MAF: variants seen among roughly 807,000 people sequenced by gnomAD.
MAF encodes the protein MAF bZIP transcription factor.
In MAF, 10 loss-of-function variants were observed where a neutral mutation model predicts 22.0. That is an observed-to-expected ratio of 0.45 (90% CI 0.28 to 0.77). The LOEUF is 0.77. MAF is among the 30% of genes least tolerant of loss of function. MAF has a pLI of 0.12. For synonymous variants in MAF, 337 were observed against 255.8 expected, an observed-to-expected ratio of 1.32 and a Z score of -3.03; for missense variants, 544 against 548.4, an observed-to-expected ratio of 0.99 and a Z score of 0.08.
chr16:79,534,633 T>C, the MAF span, among the ~76,000 whole-genome samples: 91 of 152,204 alleles, frequency 6.0e-4, 1 homozygote, highest in Non-Finnish European at 1.1e-3. Flanking sequence ...AAATACCTAA[T>C]GTAAATAACG....
the MAF span, among the ~76,000 whole-genome samples, chr16:79,397,240 T>A: frequency 1.9e-4 from 29 of 152,336 alleles, 1 homozygote; most frequent in African/African-American, 6.7e-4. Context: ...CCACATGCAC[T>A]GAGTCTTTAC....
the MAF span, among the ~76,000 whole-genome samples, chr16:79,468,047 G>A: frequency 1.3e-5 from 2 of 152,164 alleles, no homozygotes; most frequent in Non-Finnish European, 2.9e-5. Flanking sequence ...AAATTAGAAT[G>A]TGTCACTGAG....
the MAF span, among the ~76,000 whole-genome samples, chr16:79,580,057 T>G: frequency 2.0e-5 from 3 of 152,098 alleles, no homozygotes; most frequent in Admixed American, 6.5e-5. Context: ...TCCTTATTAT[T>G]TCCCCCCTCT....
chr16:79,315,326 G>A, the MAF span, among the ~76,000 whole-genome samples: 1 of 152,068 alleles, frequency 6.6e-6, no homozygotes, highest in Non-Finnish European at 1.5e-5. Flanking sequence ...TGAATGGATG[G>A]GGGAGAGTTG....
At chr16:79,400,223 T>A in the MAF span, among the ~76,000 whole-genome samples, 1 of 152,108 alleles carries the variant, frequency 6.6e-6, no homozygotes, top group Non-Finnish European at 1.5e-5. Flanking sequence ...ATATCAGGAG[T>A]GCCACAGTTG....
At chr16:79,483,461 G>A in the MAF span, among the ~76,000 whole-genome samples, 1 of 150,942 alleles carries the variant, frequency 6.6e-6, no homozygotes, top group Non-Finnish European at 1.5e-5. Flanking sequence ...TGTCCATGCT[G>A]GCATGGAGTG....
At chr16:79,516,659 T>A in the MAF span, among the ~76,000 whole-genome samples, 2 of 152,220 alleles carry the variant, frequency 1.3e-5, no homozygotes, top group South Asian at 4.1e-4. Flanking sequence ...ATGGAATGTG[T>A]CTCTGAAGAT....
chr16:79,348,494 G>A, the MAF span, among the ~76,000 whole-genome samples: 3 of 152,198 alleles, frequency 2.0e-5, no homozygotes, highest in Admixed American at 2.0e-4. Context: ...AAAAAGCTAA[G>A]ATGTAACATC....
chr16:79,389,537 C>G, the MAF span, among the ~76,000 whole-genome samples: 2 of 152,008 alleles, frequency 1.3e-5, no homozygotes, highest in African/African-American at 4.8e-5. Flanking sequence ...TTTGGGATTA[C>G]AGGCCTGAGC....
chr16:79,317,600 T>G, the MAF span, among the ~76,000 whole-genome samples: 1 of 151,964 alleles, frequency 6.6e-6, no homozygotes, highest in Non-Finnish European at 1.5e-5. Context: ...CCACAAATTC[T>G]TACTTATTCC....
the MAF span, among the ~76,000 whole-genome samples, chr16:79,345,313 T>G: frequency 6.6e-6 from 1 of 152,206 alleles, no homozygotes; most frequent in African/African-American, 2.4e-5. Flanking sequence ...TCAATTTTGT[T>G]TAATCCTCAT....
At chr16:79,547,624 C>A in the MAF span, among the ~76,000 whole-genome samples, 1 of 152,052 alleles carries the variant, frequency 6.6e-6, no homozygotes, top group Non-Finnish European at 1.5e-5. Flanking sequence ...ACAAATAGTT[C>A]CCTCTGGAAT....
the MAF span, among the ~76,000 whole-genome samples, chr16:79,342,193 A>G: frequency 6.6e-6 from 1 of 152,138 alleles, no homozygotes; most frequent in East Asian, 1.9e-4. Flanking sequence ...CGGGGTCCCA[A>G]TCAGCTCTCT....
chr16:79,495,853 C>G, the MAF span, among the ~76,000 whole-genome samples: 1 of 152,166 alleles, frequency 6.6e-6, no homozygotes, highest in Non-Finnish European at 1.5e-5. Flanking sequence ...TACTTCTGGG[C>G]ACCATGGACA....
the MAF span, among the ~76,000 whole-genome samples, chr16:79,556,177 A>G: frequency 6.6e-6 from 1 of 152,242 alleles, no homozygotes; most frequent in East Asian, 1.9e-4. Flanking sequence ...TATTACAAGC[A>G]GATGTCAGCA....
At chr16:79,548,596 G>C in the MAF span, among the ~76,000 whole-genome samples, 1 of 152,224 alleles carries the variant, frequency 6.6e-6, no homozygotes, top group Non-Finnish European at 1.5e-5. Context: ...TGGCATTGAT[G>C]ATGAAGAGTC....
the MAF span, among the ~76,000 whole-genome samples, chr16:79,385,688 G>T: frequency 6.6e-6 from 1 of 152,098 alleles, no homozygotes; most frequent in Non-Finnish European, 1.5e-5. Flanking sequence ...ATCACTTAAG[G>T]TCAGGAGTTC....
intron 1 of MAF, among the ~76,000 whole-genome samples, chr16:79,588,653 G>A (rs1029908748): frequency 6.6e-6 from 1 of 151,846 alleles, no homozygotes; most frequent in Non-Finnish European, 1.5e-5. Context: ...GTAGAGACCG[G>A]GTTTCACCAG....
chr16:79,480,324 C>T, the MAF span, among the ~76,000 whole-genome samples: 2 of 103,924 alleles, frequency 1.9e-5, no homozygotes, highest in Admixed American at 1.9e-4. Context: ...AGTTGAAATA[C>T]AATTTTTTTT....
Sources: allele counts gnomAD v4.1 joint callset (sites outside exome capture counted in the v4.1 genomes callset), GRCh38; gene constraint gnomAD v4.1.1; transcripts MANE v1.5; gene names NCBI Gene and HGNC (gene_info 2026-07-23, HGNC 2026-07-21).